Variants in GRIP1 observed in about 807,000 individuals in gnomAD.
The protein encoded by GRIP1 is glutamate receptor-interacting protein 1.
Under a neutral mutation model 129.9 loss-of-function variants are expected in GRIP1, and 45 were observed. The ratio of observed to expected loss-of-function variants is 0.35; its 90% CI spans 0.27 to 0.44. The LOEUF (loss-of-function observed/expected upper bound fraction) is 0.44. Among genes scored for constraint, GRIP1 ranks in the 20% least tolerant of loss-of-function variants. GRIP1 has a pLI of 1.00. For synonymous variants in GRIP1, 530 were observed against 520.8 expected (o/e 1.02, Z -0.24); for missense variants, 1,196 against 1,396.8 (o/e 0.86, Z 2.29).
At chr12:66,806,583 G>A (rs1286449756), upstream of GRIP1, among the ~76,000 whole-genome samples, 2 of 152,142 alleles carry the variant, frequency 1.3e-5, no homozygotes, top group African/African-American at 4.8e-5. Context: ...AAGAGATGGT[G>A]CTTTACTCTT....
intron 2 of GRIP1, among the ~76,000 whole-genome samples, chr12:66,588,930 T>C (rs763262393): frequency 4.0e-5 from 6 of 151,128 alleles, no homozygotes; most frequent in South Asian, 2.1e-4. Context: ...GATTGCAACA[T>C]TGCACTCCAG....
At chr12:66,371,640 A>G (rs1450667818) in intron 23 of GRIP1, 54 bp downstream of exon 23, 2 of 1,137,372 alleles carry the variant, frequency 1.8e-6, no homozygotes, top group African/African-American at 3.0e-5. Context: ...CGTACATGCT[A>G]TGCAGAATGG....
chr12:66,363,317 C>A (rs1051965922), intron 23 of GRIP1, among the ~76,000 whole-genome samples: 3 of 148,056 alleles, frequency 2.0e-5, no homozygotes, highest in African/African-American at 7.5e-5. Context: ...GGTTGTGGCT[C>A]ACTGCAGGCT....
chr12:66,987,298 C>G (rs542843315), intron 1 of GRIP1, among the ~76,000 whole-genome samples: 1 of 152,314 alleles, frequency 6.6e-6, no homozygotes, highest in Non-Finnish European at 1.5e-5. Context: ...GTAGTGAATA[C>G]TCAACCAGTA....
intron 1 of GRIP1, among the ~76,000 whole-genome samples, chr12:66,950,116 C>T (rs2041733724): frequency 6.6e-6 from 1 of 152,124 alleles, no homozygotes; most frequent in Non-Finnish European, 1.5e-5. Flanking sequence ...ATTTGTCTTT[C>T]TCTATTCAGA....
At chr12:67,008,056 A>G (rs937566656) in intron 1 of GRIP1, among the ~76,000 whole-genome samples, 3 of 152,224 alleles carry the variant, frequency 2.0e-5, no homozygotes, top group African/African-American at 7.2e-5. Flanking sequence ...GAAGGAATCA[A>G]TCATAATAAA....
At chr12:67,004,021 C>T (rs2042590878) in intron 1 of GRIP1, among the ~76,000 whole-genome samples, 1 of 152,166 alleles carries the variant, frequency 6.6e-6, no homozygotes, top group African/African-American at 2.4e-5. Context: ...ATGCCTCCGT[C>T]TTCACATCAC....
At chr12:66,757,498 A>G (rs2127534) in intron 1 of GRIP1, among the ~76,000 whole-genome samples, 40,851 of 152,158 alleles carry the variant, frequency 0.27, 6,629 homozygotes, top group Non-Finnish European at 0.36. Context: ...AAGGTTCATC[A>G]GCAACAAAGG....
At chr12:66,529,344 T>C (rs752622083) in intron 5 of GRIP1, among the ~76,000 whole-genome samples, 7 of 152,328 alleles carry the variant, frequency 4.6e-5, no homozygotes, top group Non-Finnish European at 8.8e-5. Context: ...CACATGCATA[T>C]TTACAGCAGC....
At chr12:66,679,980 C>T (rs1246763851), upstream of GRIP1, among the ~76,000 whole-genome samples, 3 of 152,078 alleles carry the variant, frequency 2.0e-5, no homozygotes, top group African/African-American at 7.2e-5. Flanking sequence ...GCAGCCTGCT[C>T]GCCATATAGT....
intron 1 of GRIP1, among the ~76,000 whole-genome samples, chr12:66,729,370 T>C (rs1293036355): frequency 6.6e-6 from 1 of 152,162 alleles, no homozygotes; most frequent in Admixed American, 6.5e-5. Context: ...AATGAAAATA[T>C]AAAGGCAAAT....
chr12:66,812,154 G>A (rs761046305), intron 1 of GRIP1, among the ~76,000 whole-genome samples: 5 of 151,954 alleles, frequency 3.3e-5, no homozygotes, highest in East Asian at 3.9e-4. Context: ...TTCATTTTGC[G>A]ATGGAGTATC....
chr12:66,781,820 G>A (rs2038169959), intron 1 of GRIP1, among the ~76,000 whole-genome samples: 1 of 152,120 alleles, frequency 6.6e-6, no homozygotes. Context: ...TCTTAGGTAG[G>A]GGAAGGGTGT....
chr12:67,035,610 C>A (rs577706442), intron 1 of GRIP1: 37 of 152,088 alleles, frequency 2.4e-4, no homozygotes, highest in African/African-American at 8.9e-4. Context: ...GCTCATGATG[C>A]GTTTGCAGGA....
intron 1 of GRIP1, among the ~76,000 whole-genome samples, chr12:66,946,963 G>A (rs946683833): frequency 6.6e-6 from 1 of 151,718 alleles, no homozygotes; most frequent in East Asian, 1.9e-4. Context: ...AGAATTGCTC[G>A]ACCCCAGGAG....
chr12:66,602,848 C>CTTTTTTT lies in GRIP1; in HGVS notation c.56-5928_56-5922dup, dbSNP rs71436016. On this transcript the variant is annotated intron_variant, in intron 1 of 24. Coordinates refer to ENST00000359742, the MANE Select transcript of GRIP1 (RefSeq NM_001366722.1). ...ATTCCTAAAGGGACCAGATCTTTTG[C>CTTTTTTT]TTTTTTTTTTTTTTTTTTTTTTTTT... Among the ~76,000 whole-genome samples the CTTTTTTT allele has an allele frequency of 1.8e-3, 127 of 71,666 alleles. 9 individuals are homozygous for CTTTTTTT. Among genetic ancestry groups the CTTTTTTT allele is most frequent in the Non-Finnish European group, 2.7e-3 (97 of 35,828 alleles). The allele number at this position is 71,666 out of a possible 152,430, so 47.0% of individuals were successfully genotyped here.
intron 1 of GRIP1, among the ~76,000 whole-genome samples, chr12:66,972,781 T>G (rs1195838545): frequency 6.6e-6 from 1 of 152,196 alleles, no homozygotes; most frequent in African/African-American, 2.4e-5. Context: ...TTCTAATTCA[T>G]GCACACTCAG....
At chr12:66,855,339 A>G (rs1942328354) in intron 1 of GRIP1, among the ~76,000 whole-genome samples, 1 of 152,038 alleles carries the variant, frequency 6.6e-6, no homozygotes, top group Non-Finnish European at 1.5e-5. Context: ...GCAAGAATAC[A>G]TCTTTGCATT....
At chr12:66,950,845 T>C (rs1780019162) in intron 1 of GRIP1, among the ~76,000 whole-genome samples, 1 of 152,224 alleles carries the variant, frequency 6.6e-6, no homozygotes, top group South Asian at 2.1e-4. Flanking sequence ...GTGGCCAATG[T>C]GTAGGTTGGT....
Sources: gnomAD v4.1 joint callset for allele counts (sites outside exome capture counted in the v4.1 genomes callset) on GRCh38, gnomAD v4.1.1 for gene constraint, MANE v1.5 for transcripts, NCBI Gene and HGNC (gene_info 2026-07-23, HGNC 2026-07-21) for gene names.